Variants in ALK observed in about 807,000 individuals in gnomAD.
ALK encodes the protein ALK receptor tyrosine kinase.
A neutral mutation model predicts 163.1 loss-of-function variants in ALK; 74 were observed. The ratio of observed to expected loss-of-function variants is 0.45; its 90% CI spans 0.38 to 0.55. The LOEUF (loss-of-function observed/expected upper bound fraction) is 0.55. Among genes scored for constraint, ALK ranks in the 20% least tolerant of loss-of-function variants. The pLI, the probability that ALK is intolerant of heterozygous loss-of-function variation, is 0.00. For missense variants in ALK, 2,063 were observed against 2,105.3 expected, an observed-to-expected ratio of 0.98 and a Z score of 0.39; for synonymous variants, 960 against 843.2, an observed-to-expected ratio of 1.14 and a Z score of -2.40.
chr2:29,245,416 G>A (rs112907984), intron 12 of ALK, among the ~76,000 whole-genome samples: 1,663 of 72,740 alleles, frequency 0.023, 67 homozygotes, highest in Admixed American at 0.035. Context: ...TGCCCTGCAC[G>A]TAGTAGGGGC....
intron 2 of ALK, among the ~76,000 whole-genome samples, chr2:29,703,281 C>T (rs1446755029): frequency 6.6e-6 from 1 of 152,194 alleles, no homozygotes; most frequent in Non-Finnish European, 1.5e-5. Context: ...TGACTGTCCT[C>T]ACTTGTTGAA....
chr2:29,616,556 A>C (rs1460021831), intron 3 of ALK, among the ~76,000 whole-genome samples: 2 of 152,172 alleles, frequency 1.3e-5, no homozygotes, highest in Non-Finnish European at 1.5e-5. Flanking sequence ...GGTTAAGGGG[A>C]AAAGATTATC....
chr2:29,779,157 AAAAAAAAC>A lies in ALK; in HGVS notation c.668-61468_668-61461del, dbSNP rs1459125476. The stretch of plus-strand genomic sequence containing the variant: ...AGTGACAGAGCAAGACGCCGTCTAA[AAAAAAAAC>A]AAAAAAACAAAAAAAAGAGAAAGAA... On this transcript the variant is annotated intron_variant, in intron 1 of 28. Coordinates refer to ENST00000389048, the MANE Select transcript of ALK (RefSeq NM_004304.5). Among the ~76,000 whole-genome samples, 6 of 152,218 alleles carry A rather than the reference AAAAAAAAC, an allele frequency of 3.9e-5. No homozygotes were observed. In the East Asian group the frequency reaches 5.8e-4, roughly 15 times the overall value.
intron 5 of ALK, among the ~76,000 whole-genome samples, chr2:29,354,496 A>C (rs1412171892): frequency 6.6e-6 from 1 of 152,140 alleles, no homozygotes. Flanking sequence ...CTCATCAGAG[A>C]AGGCAGGAGA....
At chr2:29,500,337 C>CGCTCTT (rs1672140094) in intron 4 of ALK, among the ~76,000 whole-genome samples, 1 of 151,692 alleles carries the variant, frequency 6.6e-6, no homozygotes, top group Non-Finnish European at 1.5e-5. Flanking sequence ...TCCCTGCTAC[C>CGCTCTT]GCTCTTGCTC....
In ALK at chr2:29,869,356, T is replaced by C. The variant is rs559777912; in HGVS notation, c.667+50637A>G. Among the ~76,000 whole-genome samples, 8 of 152,356 alleles carry C rather than the reference T, an allele frequency of 5.3e-5. No homozygotes were observed. In the East Asian group the frequency reaches 9.6e-4, roughly 18 times the overall value. On this transcript the variant is annotated intron_variant, in intron 1 of 28. Transcript: ENST00000389048. ...GCATCTTGTGAGGAAAGAAGATAGT[T>C]AGGCTAAGGTAAGATCAATGTGTTT...
intron 1 of ALK, among the ~76,000 whole-genome samples, chr2:29,741,142 A>G (rs1680047098): frequency 6.6e-6 from 1 of 152,228 alleles, no homozygotes; most frequent in African/African-American, 2.4e-5. Context: ...ATGACCTTCT[A>G]GAAATGGAAA....
At chr2:29,678,986 T>C (rs1055543867) in intron 3 of ALK, among the ~76,000 whole-genome samples, 1 of 151,918 alleles carries the variant, frequency 6.6e-6, no homozygotes, top group Non-Finnish European at 1.5e-5. Context: ...CCCACTATAA[T>C]TGTTGAATTG....
intron 24 of ALK, among the ~76,000 whole-genome samples, chr2:29,211,120 A>T (rs984146195): frequency 1.9e-4 from 29 of 152,160 alleles, no homozygotes; most frequent in African/African-American, 5.5e-4. Flanking sequence ...GATACTATTT[A>T]AAAAAAAGGA....
At chr2:29,364,537 C>T (rs1668458659) in intron 5 of ALK, among the ~76,000 whole-genome samples, 1 of 152,174 alleles carries the variant, frequency 6.6e-6, no homozygotes, top group South Asian at 2.1e-4. Context: ...GCCAACTATC[C>T]TTCCTTACAT....
At position 29,376,928 on chromosome 2, in the gene ALK, G is replaced by C. The variant is rs1457386912; in HGVS notation, c.1282+6804C>G. ...CATTGTCTTTGGTGGAGAAGAAGGA[G>C]AGAGAGGGGGACAAGGTTACAGGAT... On this transcript the variant is annotated intron_variant, in intron 5 of 28. Transcript: ENST00000389048. Among the ~76,000 whole-genome samples, 3 of 152,044 alleles carry C rather than the reference G, an allele frequency of 2.0e-5. No individual in the cohort carries two copies. In the East Asian group the frequency reaches 5.8e-4, roughly 29 times the overall value.
intron 3 of ALK, among the ~76,000 whole-genome samples, chr2:29,694,613 T>C (rs764205405): frequency 1.3e-4 from 20 of 152,258 alleles, no homozygotes; most frequent in Non-Finnish European, 2.4e-4. Context: ...AAGAGAGTTA[T>C]GAAACCCTAC....
At chr2:29,587,649 TCTTC>T (rs1207356073) in intron 3 of ALK, among the ~76,000 whole-genome samples, 3 of 152,226 alleles carry the variant, frequency 2.0e-5, no homozygotes, top group Admixed American at 6.5e-5. Flanking sequence ...TAGCTTCACT[TCTTC>T]CTTTGACTTC....
chr2:29,574,365 G>C (rs1674465100), intron 3 of ALK, among the ~76,000 whole-genome samples: 1 of 152,232 alleles, frequency 6.6e-6, no homozygotes, highest in South Asian at 2.1e-4. Flanking sequence ...ACGTACATGA[G>C]GGGGTTAAGT....
chr2:29,909,494 G>C (rs1442971876), intron 1 of ALK, among the ~76,000 whole-genome samples: 17 of 151,158 alleles, frequency 1.1e-4, no homozygotes, highest in African/African-American at 4.2e-4. Context: ...GAGAGAGAGA[G>C]AGAGAGAGAG....
At chr2:29,394,128 A>G (rs1669245415) in intron 4 of ALK, among the ~76,000 whole-genome samples, 1 of 152,198 alleles carries the variant, frequency 6.6e-6, no homozygotes, top group South Asian at 2.1e-4. Flanking sequence ...GTGGATTAAC[A>G]TGCATTTAGA....
At chr2:29,259,331 G>A (rs912824157) in intron 11 of ALK, among the ~76,000 whole-genome samples, 4 of 151,932 alleles carry the variant, frequency 2.6e-5, no homozygotes, top group Admixed American at 1.3e-4. Flanking sequence ...TAGCTGCCCC[G>A]GGCAGATAGC....
chr2:29,811,957 G>T (rs1246953069), intron 1 of ALK, among the ~76,000 whole-genome samples: 1 of 152,174 alleles, frequency 6.6e-6, no homozygotes, highest in African/African-American at 2.4e-5. Flanking sequence ...GGGTGCAAGG[G>T]GCAGGAAAAC....
intron 4 of ALK, among the ~76,000 whole-genome samples, chr2:29,460,695 C>T (rs1671064758): frequency 6.6e-6 from 1 of 152,174 alleles, no homozygotes; most frequent in Non-Finnish European, 1.5e-5. Context: ...GCTCCACCGA[C>T]ATGCCATTCT....
Sources: allele counts gnomAD v4.1 joint callset (sites outside exome capture counted in the v4.1 genomes callset), GRCh38; gene constraint gnomAD v4.1.1; transcripts MANE v1.5; gene names NCBI Gene and HGNC (gene_info 2026-07-23, HGNC 2026-07-21).